The following AKAP6 variants were observed in gnomAD, a reference collection of about 807,000 sequenced individuals.
The protein encoded by AKAP6 is A-kinase anchoring protein 6, also known as A-kinase anchor protein 6.
Under a neutral mutation model 188.5 loss-of-function variants are expected in AKAP6, and 58 were observed. The ratio of observed to expected loss-of-function variants is 0.31; its 90% CI spans 0.25 to 0.38. The LOEUF is 0.38. AKAP6 is among the 10% of genes least tolerant of loss of function. The probability of loss-of-function intolerance (pLI) is 1.00; values close to 1 mark genes in which losing one functional copy is unlikely to be tolerated. For missense variants in AKAP6, 2,710 were observed against 2,740.0 expected (o/e 0.99, Z 0.24); for synonymous variants, 989 against 998.6 (o/e 0.99, Z 0.18).
intron 11 of AKAP6, among the ~76,000 whole-genome samples, chr14:32,762,092 G>A (rs970239202): frequency 1.3e-5 from 2 of 152,168 alleles, no homozygotes; most frequent in Non-Finnish European, 2.9e-5. Context: ...GTATTTTGTA[G>A]TATAATGGCT....
intron 12 of AKAP6, among the ~76,000 whole-genome samples, chr14:32,774,797 A>T (rs1458874832): frequency 6.6e-6 from 1 of 152,216 alleles, no homozygotes; most frequent in East Asian, 1.9e-4. Flanking sequence ...TTTTCCTTAT[A>T]TGTTTATATT....
chr14:32,799,302 T>C (rs2033867749), intron 12 of AKAP6, among the ~76,000 whole-genome samples: 1 of 152,174 alleles, frequency 6.6e-6, no homozygotes, highest in South Asian at 2.1e-4. Flanking sequence ...TTGTTTTCCA[T>C]TTCATTGACT....
At chr14:32,402,683 T>C (rs543546188) in intron 1 of AKAP6, among the ~76,000 whole-genome samples, 6 of 152,180 alleles carry the variant, frequency 3.9e-5, no homozygotes, top group African/African-American at 1.2e-4. Context: ...TCCACTGCAG[T>C]GTTTTGCACA....
intron 2 of AKAP6, among the ~76,000 whole-genome samples, chr14:32,501,599 C>T (rs550543044): frequency 1.6e-4 from 24 of 152,082 alleles, no homozygotes; most frequent in Non-Finnish European, 3.1e-4. Context: ...ATAGGTTTGG[C>T]GAGTACAGAG....
At chr14:32,535,493 C>T in intron 2 of AKAP6, 61 bp from the exon 3 acceptor site, 2 of 1,555,204 alleles carry the variant, frequency 1.3e-6, no homozygotes, top group Non-Finnish European at 1.7e-6. Context: ...TTCTACTACC[C>T]TCACCTCCCT....
chr14:32,568,060 G>C lies in AKAP6; in HGVS notation c.2347-9060G>C, dbSNP rs1472690003. Among the ~76,000 whole-genome samples, 2 of 152,084 alleles carry C rather than the reference G, an allele frequency of 1.3e-5. No individual in the cohort carries two copies. The highest frequency in any genetic ancestry group is 2.9e-5 in the Non-Finnish European group (2 of 68,008). On this transcript the variant is annotated intron_variant, in intron 4 of 13. Coordinates refer to ENST00000280979, the MANE Select transcript of AKAP6 (RefSeq NM_004274.5). The surrounding 1 kb of genome is among the most constrained non-coding windows in gnomAD (Gnocchi z 6.2). ...TAGTCAAGGAAGAAAGAAAAGAAAG[G>C]CTGAAAAGAGAGAGCACAGAGTACA...
intron 13 of AKAP6, 85 bp from the exon 14 acceptor site, chr14:32,829,763 T>C (rs760580787): frequency 1.0e-4 from 63 of 616,826 alleles, no homozygotes; most frequent in Non-Finnish European, 1.7e-4. Context: ...AATTGCAGCC[T>C]TCAATGGTTC....
chr14:32,716,373 A>C (rs570525565), intron 9 of AKAP6, among the ~76,000 whole-genome samples: 1 of 151,726 alleles, frequency 6.6e-6, no homozygotes, highest in South Asian at 2.1e-4. Context: ...TATGCACTGT[A>C]TGTATTACGT....
At chr14:32,668,886 G>T (rs1056627141) in intron 7 of AKAP6, among the ~76,000 whole-genome samples, 2 of 151,944 alleles carry the variant, frequency 1.3e-5, no homozygotes, top group Non-Finnish European at 2.9e-5. Context: ...AAATAACTTT[G>T]ATATTATTAA....
Position 32,823,588 on chromosome 14 carries a change from A to T in AKAP6, c.5775A>T (p.Lys1925Asn). 6.2e-7 allele frequency: 1 copy of T among 1,613,958 alleles called. No homozygotes were observed. The part of the protein sequence containing the change: ...KVSENLGSHG[K>N]EISESEHCKC... The stretch of plus-strand genomic sequence containing the variant: ...CAGAAAATCTTGGTTCACATGGGAA[A>T]GAGATTTCAGAGAGTGAGCATTGTA... The change falls in exon 13 of 14, where the codon AAA (lysine) becomes AAT (asparagine). Residue 1925 changes from lysine (K) to asparagine (N), a missense_variant. Coordinates refer to ENST00000280979, the MANE Select transcript of AKAP6 (RefSeq NM_004274.5).
intron 5 of AKAP6, among the ~76,000 whole-genome samples, chr14:32,582,673 G>A (rs1168899149): frequency 6.6e-6 from 1 of 151,302 alleles, no homozygotes; most frequent in South Asian, 2.1e-4. Flanking sequence ...TATTTCTTGG[G>A]GGCTTTGTTC....
intron 11 of AKAP6, among the ~76,000 whole-genome samples, chr14:32,736,149 A>T (rs2031412173): frequency 6.6e-6 from 1 of 152,168 alleles, no homozygotes; most frequent in Admixed American, 6.6e-5. Flanking sequence ...GACTTTGATG[A>T]GTTAAAAGCA....
At chr14:32,527,302 A>G (rs987007700) in intron 2 of AKAP6, among the ~76,000 whole-genome samples, 1 of 152,004 alleles carries the variant, frequency 6.6e-6, no homozygotes, top group African/African-American at 2.4e-5. Context: ...CTAATATTCT[A>G]TTGTCTAGAT....
chr14:32,646,581 T>A (rs187188664), intron 7 of AKAP6, among the ~76,000 whole-genome samples: 136 of 152,290 alleles, frequency 8.9e-4, no homozygotes, highest in African/African-American at 3.1e-3. Flanking sequence ...TGTCCAGATT[T>A]CAATGAAATA....
intron 12 of AKAP6, among the ~76,000 whole-genome samples, chr14:32,779,602 G>C (rs2033179029): frequency 1.3e-5 from 2 of 151,994 alleles, no homozygotes; most frequent in Non-Finnish European, 2.9e-5. Flanking sequence ...TGATAAAGAT[G>C]CCAATTAATC....
At chr14:32,812,036 G>A (rs755655600) in intron 12 of AKAP6, among the ~76,000 whole-genome samples, 19 of 152,176 alleles carry the variant, frequency 1.2e-4, no homozygotes, top group Non-Finnish European at 2.4e-4. Context: ...AAAGGAGGGA[G>A]AAGGGTATAC....
chr14:32,505,768 CTT>C (rs1880840932), intron 2 of AKAP6, among the ~76,000 whole-genome samples: 1 of 152,086 alleles, frequency 6.6e-6, no homozygotes, highest in African/African-American at 2.4e-5. Context: ...AATTGTAGCT[CTT>C]TTCACAATTA....
intron 10 of AKAP6, chr14:32,732,847 A>G (rs1294298130): frequency 1.2e-5 from 7 of 604,548 alleles, no homozygotes; most frequent in Non-Finnish European, 1.2e-5. Context: ...TGAAAAAGTA[A>G]GTAAAATATG....
intron 9 of AKAP6, among the ~76,000 whole-genome samples, chr14:32,732,064 T>C (rs1036734485): frequency 2.0e-5 from 3 of 152,048 alleles, no homozygotes; most frequent in African/African-American, 7.2e-5. Flanking sequence ...TTTTTTTTCT[T>C]TCACTTTGAA....
Sources: gnomAD v4.1 joint callset for allele counts (sites outside exome capture counted in the v4.1 genomes callset) on GRCh38, gnomAD v4.1.1 for gene constraint, Gnocchi (gnomAD v3.1) non-coding constraint, MANE v1.5 for transcripts, NCBI Gene and HGNC (gene_info 2026-07-23, HGNC 2026-07-21) for gene names.